The following SWAP70 variants were observed in gnomAD, a reference collection of about 807,000 sequenced individuals.
SWAP70 encodes the protein switch-associated protein 70.
Under a neutral mutation model 80.2 loss-of-function variants are expected in SWAP70, and 34 were observed. The ratio of observed to expected loss-of-function variants is 0.42; its 90% confidence interval spans 0.32 to 0.56. The LOEUF is 0.56. Ranked by LOEUF, SWAP70 falls within the 20% of genes least tolerant of loss-of-function variation. The pLI is 0.09. For missense variants in SWAP70, 578 were observed against 690.7 expected (o/e 0.84, Z 1.83); for synonymous variants, 239 against 238.5 (o/e 1.00, Z -0.02).
intron 1 of SWAP70, among the ~76,000 whole-genome samples, chr11:9,676,353 C>G (rs898518946): frequency 6.6e-6 from 1 of 152,026 alleles, no homozygotes; most frequent in African/African-American, 2.4e-5. Flanking sequence ...ATTTTTCCCC[C>G]TTGGTTTGGT....
At chr11:9,673,295 A>G (rs1006452746) in intron 1 of SWAP70, among the ~76,000 whole-genome samples, 3 of 152,194 alleles carry the variant, frequency 2.0e-5, no homozygotes, top group Admixed American at 6.5e-5. Context: ...TTAGGGTGAC[A>G]TGTTTACTGA....
intron 4 of SWAP70, among the ~76,000 whole-genome samples, chr11:9,725,567 A>ATTTT (rs1158096816): frequency 2.3e-4 from 4 of 17,314 alleles, no homozygotes; most frequent in African/African-American, 1.0e-3. Context: ...ATATATATAT[A>ATTTT]TATTTTTTTT....
intron 2 of SWAP70, among the ~76,000 whole-genome samples, chr11:9,696,302 T>A (rs1011710631): frequency 2.6e-5 from 4 of 152,196 alleles, no homozygotes; most frequent in African/African-American, 9.6e-5. Flanking sequence ...CAAGAAAAGA[T>A]GGTACATTTA....
At chr11:9,746,327 C>A (rs1851512029) in intron 9 of SWAP70, among the ~76,000 whole-genome samples, 1 of 152,196 alleles carries the variant, frequency 6.6e-6, no homozygotes, top group Non-Finnish European at 1.5e-5. Context: ...GCTGGGCAGC[C>A]TAAGCACCTG....
intron 3 of SWAP70, among the ~76,000 whole-genome samples, chr11:9,721,471 C>CTTTT (rs11331062): frequency 7.2e-6 from 1 of 138,116 alleles, no homozygotes; most frequent in Non-Finnish European, 1.6e-5. Flanking sequence ...TTCTTTCTTT[C>CTTTT]TTTTTTTTTT....
At chr11:9,748,416 A>G (rs995327335) in intron 10 of SWAP70, among the ~76,000 whole-genome samples, 2 of 152,238 alleles carry the variant, frequency 1.3e-5, no homozygotes, top group African/African-American at 4.8e-5. Flanking sequence ...CTGGAAGAGC[A>G]TTCTTTGCTT....
At chr11:9,724,610 T>TA in intron 3 of SWAP70, 48 bp from the exon 4 acceptor site, 7 of 1,429,136 alleles carry the variant, frequency 4.9e-6, no homozygotes, top group Non-Finnish European at 6.7e-6. Context: ...ATAACTATGT[T>TA]AAAGTTTTTT....
intron 2 of SWAP70, chr11:9,703,479 G>T (rs1016161671): frequency 4.4e-6 from 2 of 456,208 alleles, no homozygotes; most frequent in South Asian, 3.1e-5. Context: ...CAAATGCAGC[G>T]AATTTTTGTT....
chr11:9,683,662 A>G (rs563568264), intron 1 of SWAP70, among the ~76,000 whole-genome samples: 7 of 152,350 alleles, frequency 4.6e-5, no homozygotes, highest in African/African-American at 1.4e-4. Context: ...CTGTCAAACC[A>G]TCATATGGAT....
rs546138447 is a variant in SWAP70 at position 9,749,448 on chromosome 11, G to A, written c.1651+265G>A. On this transcript the variant is annotated intron_variant, in intron 11 of 11. Transcript: ENST00000318950. The stretch of plus-strand genomic sequence containing the variant: ...TTTTTAGTAGAGACGGGGTTTCACC[G>A]TGTTAACCAGGATGGTCTTGATCTC... Among the ~76,000 whole-genome samples the A allele has an allele frequency of 7.2e-5, 11 of 152,098 alleles. No homozygotes were observed. In the South Asian group the frequency reaches 1.9e-3, roughly 26 times the overall value.
intron 1 of SWAP70, among the ~76,000 whole-genome samples, chr11:9,675,958 T>A (rs1464625993): frequency 7.2e-5 from 11 of 152,368 alleles, no homozygotes; most frequent in African/African-American, 2.6e-4. Flanking sequence ...CATGTTGATT[T>A]GGTGTTACTT....
At chr11:9,721,126 T>TA (rs1851129808) in intron 3 of SWAP70, among the ~76,000 whole-genome samples, 1 of 152,208 alleles carries the variant, frequency 6.6e-6, no homozygotes, top group African/African-American at 2.4e-5. Flanking sequence ...TTCAATCTCT[T>TA]AATCTTTTTA....
At position 9,752,626 on chromosome 11, in the gene SWAP70, C is replaced by T. The variant is rs79333935; in HGVS notation, c.*2656C>T. 1 of 152,256 alleles carries T rather than the reference C, an allele frequency of 6.6e-6. No homozygotes were observed. Among genetic ancestry groups the T allele is most frequent in the East Asian group, 1.9e-4 (1 of 5,190 alleles). The allele number at this position is 152,256 out of a possible 1,614,324, so 9.4% of individuals were successfully genotyped here. A position where few individuals can be genotyped will look rare whatever the true frequency, so the allele number is the denominator to read the frequency against. ...CACCTGTTAAAGGGCCAACAGAACTCTTGGTTTTACTTTTGTAATTACTGT... is the reference window on the plus strand; with the variant it reads ...CACCTGTTAAAGGGCCAACAGAACTTTTGGTTTTACTTTTGTAATTACTGT... On this transcript the variant is annotated 3_prime_UTR_variant, in exon 12 of 12. Transcript: ENST00000318950.
intron 2 of SWAP70, among the ~76,000 whole-genome samples, chr11:9,699,944 A>T (rs1413249686): frequency 6.6e-6 from 1 of 151,476 alleles, no homozygotes; most frequent in Non-Finnish European, 1.5e-5. Flanking sequence ...AATATTATAG[A>T]ACATACTGGG....
chr11:9,697,771 A>G (rs145460137), intron 2 of SWAP70, among the ~76,000 whole-genome samples: 1 of 151,982 alleles, frequency 6.6e-6, no homozygotes, highest in Non-Finnish European at 1.5e-5. Flanking sequence ...TGTGTATTTC[A>G]TGTGTTATAC....
At chr11:9,725,565 ATATATTTT>A (rs1361200257) in intron 4 of SWAP70, among the ~76,000 whole-genome samples, 102 of 17,264 alleles carry the variant, frequency 5.9e-3, no homozygotes, top group African/African-American at 0.025. Flanking sequence ...ATATATATAT[ATATATTTT>A]TTTTTTTTTT....
intron 2 of SWAP70, among the ~76,000 whole-genome samples, chr11:9,712,856 C>T (rs1477190352): frequency 6.6e-6 from 1 of 151,794 alleles, no homozygotes; most frequent in African/African-American, 2.4e-5. Context: ...GCCACCACGC[C>T]CGGCTAATTT....
At chr11:9,666,348 A>G (rs866757402) in intron 1 of SWAP70, among the ~76,000 whole-genome samples, 2 of 152,018 alleles carry the variant, frequency 1.3e-5, no homozygotes, top group African/African-American at 2.4e-5. Flanking sequence ...GGTTTCATGA[A>G]GTGCTAGGAT....
intron 3 of SWAP70, 63 bp downstream of exon 3, chr11:9,713,702 A>AT (rs1851029338): frequency 2.6e-6 from 4 of 1,524,222 alleles, no homozygotes; most frequent in Admixed American, 4.1e-5. Context: ...CTGGCTTGGT[A>AT]TTTTTTCTGT....
Sources: gnomAD v4.1 joint callset for allele counts (sites outside exome capture counted in the v4.1 genomes callset) on GRCh38, gnomAD v4.1.1 for gene constraint, MANE v1.5 for transcripts, NCBI Gene and HGNC (gene_info 2026-07-23, HGNC 2026-07-21) for gene names.